Variants in BCAS3 observed in about 807,000 individuals in gnomAD.
BCAS3 encodes BCAS3 microtubule associated cell migration factor, also known as BCAS4/BCAS3 fusion.
In BCAS3, 53 loss-of-function variants were observed where a neutral mutation model predicts 116.1. That is an observed-to-expected ratio of 0.46 (90% confidence interval 0.37 to 0.57). BCAS3 has a LOEUF of 0.57. Ranked by LOEUF, BCAS3 falls within the 20% of genes least tolerant of loss-of-function variation. The pLI, the probability that BCAS3 is intolerant of heterozygous loss-of-function variation, is 0.00. For missense variants in BCAS3, 917 were observed against 1,165.4 expected (o/e 0.79, Z 3.10); for synonymous variants, 391 against 408.2 (o/e 0.96, Z 0.51).
At position 61,276,901 on chromosome 17, in the gene BCAS3, C is replaced by T. The variant is rs1483291388; in HGVS notation, c.2426-91426C>T. Among the ~76,000 whole-genome samples, 1 of 152,182 alleles carries T rather than the reference C, an allele frequency of 6.6e-6. No individual in the cohort carries two copies. The highest frequency in any genetic ancestry group is 1.5e-5 in the Non-Finnish European group (1 of 68,034). On this transcript the variant is annotated intron_variant, in intron 22 of 23. Transcript: ENST00000407086. This position sits in a 1 kb window ranked among gnomAD's most constrained non-coding sequence, Gnocchi z 4.2. ...ATTGAAAGTCCAAAAATAACCCTCA[C>T]ATTTACAGTCAATTGAATTTTAAAC...
Position 61,034,596 on chromosome 17 carries a change from A to T in BCAS3, c.1638-70A>T. The T allele has an allele frequency of 7.1e-7, 1 of 1,410,830 alleles. No individual in the cohort carries two copies. Among genetic ancestry groups the T allele is most frequent in the East Asian group, 2.4e-5 (1 of 41,760 alleles). 87.4% of individuals were successfully genotyped at this position (1,410,830 alleles called of 1,614,324 possible). On this transcript the variant is annotated intron_variant, in intron 16 of 23. Transcript: ENST00000407086. The surrounding 1 kb of genome is among the most constrained non-coding windows in gnomAD (Gnocchi z 5.0). ...GAATAGGGGTGGAATTTAAAGGAAAAACTGTCATTACCTAAAGGAGTATCA... is the reference window on the plus strand; with the variant it reads ...GAATAGGGGTGGAATTTAAAGGAAATACTGTCATTACCTAAAGGAGTATCA...
chr17:61,103,281 C>T (rs576840572), intron 22 of BCAS3, among the ~76,000 whole-genome samples: 35 of 152,188 alleles, frequency 2.3e-4, no homozygotes, highest in Middle Eastern at 3.4e-3. Context: ...AATCTGTGAT[C>T]CTCTGTCATT....
At chr17:61,250,633 C>T (rs2048299761) in intron 22 of BCAS3, among the ~76,000 whole-genome samples, 1 of 152,214 alleles carries the variant, frequency 6.6e-6, no homozygotes, top group Non-Finnish European at 1.5e-5. Flanking sequence ...GGCACAGTCT[C>T]CCGTTTTCGG....
rs1459976818 is a variant in BCAS3 at position 61,106,092 on chromosome 17, T to C, written c.2425+21528T>C. Reference sequence around the variant, plus strand: ...TTCAGGTAACCTTTATTTTACTTAATGGCCCCAAAGCACAAGGGTTGATGC... The same window carrying C: ...TTCAGGTAACCTTTATTTTACTTAACGGCCCCAAAGCACAAGGGTTGATGC... On this transcript the variant is annotated intron_variant, in intron 22 of 23. Transcript: ENST00000407086. The surrounding 1 kb of genome is among the most constrained non-coding windows in gnomAD (Gnocchi z 4.2). Among the ~76,000 whole-genome samples, 1 of 152,218 alleles carries C rather than the reference T, an allele frequency of 6.6e-6. No individual in the cohort carries two copies. Among genetic ancestry groups the C allele is most frequent in the East Asian group, 1.9e-4 (1 of 5,200 alleles).
At chr17:60,890,396 G>A (rs1477815396) in intron 10 of BCAS3, among the ~76,000 whole-genome samples, 2 of 152,132 alleles carry the variant, frequency 1.3e-5, no homozygotes, top group East Asian at 3.8e-4. Context: ...GGAGGTTGTG[G>A]TGAGCTGAGA....
chr17:61,265,758 G>T lies in BCAS3; in HGVS notation c.2426-102569G>T, dbSNP rs750116539. 6.6e-6 allele frequency among the ~76,000 whole-genome samples: 1 copy of T among 151,884 alleles called. No homozygotes were observed. ...TGTGTGTCATACTGTCCTGGACTCT[G>T]TATAGCAAAGATTTAATGACCATGG... On this transcript the variant is annotated intron_variant, in intron 22 of 23. Coordinates refer to ENST00000407086, the MANE Select transcript of BCAS3 (RefSeq NM_017679.5). This position sits in a 1 kb window ranked among gnomAD's most constrained non-coding sequence, Gnocchi z 4.3.
intron 19 of BCAS3, among the ~76,000 whole-genome samples, chr17:61,044,430 G>C (rs1326935919): frequency 7.8e-6 from 1 of 128,606 alleles, no homozygotes; most frequent in Non-Finnish European, 1.5e-5. Context: ...CTGGGTGACA[G>C]AGCGTGACTC....
At chr17:60,968,824 C>T (rs1482986018) in intron 14 of BCAS3, among the ~76,000 whole-genome samples, 1 of 152,254 alleles carries the variant, frequency 6.6e-6, no homozygotes, top group East Asian at 1.9e-4. Context: ...GGATGGTAGT[C>T]TAGCCTCCCC....
chr17:61,340,633 G>A lies in BCAS3; in HGVS notation c.2426-27694G>A, dbSNP rs139797872. Among the ~76,000 whole-genome samples, 51 of 152,266 alleles carry A rather than the reference G, an allele frequency of 3.3e-4. No individual in the cohort carries two copies. In the East Asian group the frequency reaches 8.5e-3, roughly 25 times the overall value. On this transcript the variant is annotated intron_variant, in intron 22 of 23. Transcript: ENST00000407086. ...CCTGCTGTGAGTCGCTGCGGGGGAC[G>A]GGGAGTGGGTAGAAGTTGGATTTAA... is the stretch of plus-strand genomic sequence containing the variant.
chr17:60,882,299 T>C (rs1262111758), intron 9 of BCAS3, among the ~76,000 whole-genome samples: 2 of 150,410 alleles, frequency 1.3e-5, no homozygotes, highest in South Asian at 4.2e-4. Flanking sequence ...TTTGTTTTTT[T>C]CTTGTAAATT....
chr17:60,799,708 C>CTTTTTTTTTTTTTTTTTTT (rs67510415), intron 6 of BCAS3, among the ~76,000 whole-genome samples: 1 of 49,838 alleles, frequency 2.0e-5, no homozygotes, highest in African/African-American at 7.8e-5. Flanking sequence ...TTTTTCTTTT[C>CTTTTTTTTTTTTTTTTTTT]TTTTTTTTTT....
At chr17:61,067,323 A>C (rs937230205) in intron 19 of BCAS3, among the ~76,000 whole-genome samples, 2 of 136,032 alleles carry the variant, frequency 1.5e-5, no homozygotes, top group Non-Finnish European at 3.1e-5. Flanking sequence ...ATATTTATAC[A>C]GACTTGGCAG....
chr17:60,836,811 A>G (rs1568352494), intron 7 of BCAS3, among the ~76,000 whole-genome samples: 1 of 152,190 alleles, frequency 6.6e-6, no homozygotes, highest in Non-Finnish European at 1.5e-5. Flanking sequence ...TTTAGTTATA[A>G]TAACCTAAAC....
intron 22 of BCAS3, among the ~76,000 whole-genome samples, chr17:61,201,344 A>T (rs1258130055): frequency 6.6e-6 from 1 of 152,248 alleles, no homozygotes; most frequent in Admixed American, 6.5e-5. Flanking sequence ...TTTTGATTTT[A>T]TCAGGCTTGC....
chr17:60,690,609 A>T (rs191722804), intron 4 of BCAS3, among the ~76,000 whole-genome samples: 5 of 149,836 alleles, frequency 3.3e-5, no homozygotes, highest in East Asian at 2.0e-4. Context: ...GTAAGTAAAT[A>T]AAAAAAAATC....
chr17:60,716,182 G>A lies in BCAS3; in HGVS notation c.321+6857G>A, dbSNP rs535107838. 2.0e-5 allele frequency among the ~76,000 whole-genome samples: 3 copies of A among 152,284 alleles called. No individual in the cohort carries two copies. In the East Asian group the frequency reaches 5.8e-4, roughly 29 times the overall value. The stretch of plus-strand genomic sequence containing the variant: ...AGCCACGAACTATGAAGATTTAAAC[G>A]GTGTTCATTTATTCAGCACATGTCT... On this transcript the variant is annotated intron_variant, in intron 5 of 23. Coordinates refer to ENST00000407086, the MANE Select transcript of BCAS3 (RefSeq NM_017679.5).
chr17:61,090,130 A>C (rs562737938), intron 22 of BCAS3, among the ~76,000 whole-genome samples: 2 of 152,340 alleles, frequency 1.3e-5, no homozygotes, highest in Non-Finnish European at 2.9e-5. Context: ...CAGTAAAAGA[A>C]GATTAAGAGT....
chr17:61,230,238 T>C (rs1422398916), intron 22 of BCAS3, among the ~76,000 whole-genome samples: 1 of 152,186 alleles, frequency 6.6e-6, no homozygotes, highest in Non-Finnish European at 1.5e-5. Flanking sequence ...GTCTGCCAAA[T>C]TACTTTTTTC....
Position 61,084,299 on chromosome 17 carries a change from A to C in BCAS3, c.2328-168A>C, listed in dbSNP as rs2072903185. 6.6e-6 allele frequency among the ~76,000 whole-genome samples: 1 copy of C among 152,168 alleles called. No homozygotes were observed. The highest frequency in any genetic ancestry group is 1.5e-5 in the Non-Finnish European group (1 of 68,034). ...GTGTAGAGAATATTTGTAGTGTTTT[A>C]TCCTTGTGCAGCAATTAGGGACTGC... On this transcript the variant is annotated intron_variant, in intron 21 of 23. Coordinates refer to ENST00000407086, the MANE Select transcript of BCAS3 (RefSeq NM_017679.5). The surrounding 1 kb of genome is among the most constrained non-coding windows in gnomAD (Gnocchi z 5.5).
Sources: allele counts gnomAD v4.1 joint callset (sites outside exome capture counted in the v4.1 genomes callset), GRCh38; gene constraint gnomAD v4.1.1; non-coding constraint Gnocchi (gnomAD v3.1); transcripts MANE v1.5; gene names NCBI Gene and HGNC (gene_info 2026-07-23, HGNC 2026-07-21).